The following PHLPP1 variants were observed in gnomAD, a reference collection of about 807,000 sequenced individuals.
PHLPP1 encodes the protein PH domain and leucine rich repeat protein phosphatase 1.
PHLPP1 carries 42 observed loss-of-function variants against 117.2 expected under a neutral mutation model. The ratio of observed to expected loss-of-function variants is 0.36; its 90% CI spans 0.28 to 0.46. The LOEUF is 0.46. Among genes scored for constraint, PHLPP1 ranks in the 20% least tolerant of loss-of-function variants. The pLI is 1.00. For synonymous variants in PHLPP1, 1,042 were observed against 970.7 expected (o/e 1.07, Z -1.37); for missense variants, 2,084 against 2,241.9 (o/e 0.93, Z 1.42).
chr18:62,837,563 G>T (rs2144339038), intron 2 of PHLPP1: 1 of 151,706 alleles, frequency 6.6e-6, no homozygotes, highest in Admixed American at 6.6e-5. Context: ...CTTTGTTAAT[G>T]TTTTCTCTTA....
At chr18:62,824,887 A>AC (rs931637428) in intron 1 of PHLPP1, among the ~76,000 whole-genome samples, 4 of 142,264 alleles carry the variant, frequency 2.8e-5, no homozygotes, top group Non-Finnish European at 4.6e-5. Flanking sequence ...GACCACCCCC[A>AC]CCCCCCATTT....
intron 1 of PHLPP1, among the ~76,000 whole-genome samples, chr18:62,822,790 A>G (rs1406688637): frequency 6.6e-6 from 1 of 152,214 alleles, no homozygotes; most frequent in Non-Finnish European, 1.5e-5. Context: ...AAGATTCACT[A>G]CTCAAGATAG....
intron 11 of PHLPP1, among the ~76,000 whole-genome samples, chr18:62,943,850 T>C (rs1398616667): frequency 6.6e-6 from 1 of 152,210 alleles, no homozygotes; most frequent in African/African-American, 2.4e-5. Context: ...TTAAATAATA[T>C]TCTCAGAAAT....
intron 8 of PHLPP1, among the ~76,000 whole-genome samples, chr18:62,913,640 C>T (rs753598835): frequency 8.6e-5 from 13 of 151,770 alleles, no homozygotes; most frequent in Non-Finnish European, 1.8e-4. Context: ...AAAAAGCTAA[C>T]CAGTGTGACT....
intron 1 of PHLPP1, among the ~76,000 whole-genome samples, chr18:62,778,706 C>T (rs1913034115): frequency 6.6e-6 from 1 of 151,994 alleles, no homozygotes; most frequent in Non-Finnish European, 1.5e-5. Context: ...CAAAAAACAC[C>T]TTGTAAAACT....
At chr18:62,900,126 G>A (rs983090485) in intron 6 of PHLPP1, among the ~76,000 whole-genome samples, 13 of 151,886 alleles carry the variant, frequency 8.6e-5, no homozygotes, top group African/African-American at 2.9e-4. Context: ...GCAAAACCCC[G>A]CCTCTACTAA....
In PHLPP1 at chr18:62,763,684, A is replaced by ATTGT. The variant is rs1166268090; in HGVS notation, c.1576+46429_1576+46432dup. On this transcript the variant is annotated intron_variant, in intron 1 of 16. Transcript: ENST00000262719. ...AGTCAGTCCATGGTGCTGTGACACT[A>ATTGT]TTGTTTGGTGACACTATGCTATTCT... Among the ~76,000 whole-genome samples the ATTGT allele has an allele frequency of 3.9e-5, 6 of 152,050 alleles. No individual in the cohort carries two copies. In the South Asian group the frequency reaches 1.2e-3, roughly 32 times the overall value.
intron 1 of PHLPP1, among the ~76,000 whole-genome samples, chr18:62,723,657 G>T (rs1910986074): frequency 6.6e-6 from 1 of 152,150 alleles, no homozygotes; most frequent in Non-Finnish European, 1.5e-5. Flanking sequence ...TACAGCAAGA[G>T]CTTGGCTGGT....
intron 13 of PHLPP1, 105 bp downstream of exon 13, chr18:62,958,864 AGCTGTGTTAAC>A: frequency 6.2e-6 from 8 of 1,298,244 alleles, no homozygotes; most frequent in African/African-American, 1.5e-5. Context: ...TTGACTTGTT[AGCTGTGTTAAC>A]ACACACAACA....
intron 1 of PHLPP1, among the ~76,000 whole-genome samples, chr18:62,749,398 G>A (rs1911777087): frequency 6.6e-6 from 1 of 152,164 alleles, no homozygotes; most frequent in East Asian, 1.9e-4. Flanking sequence ...TAGAGACTTT[G>A]AGATAACATT....
At chr18:62,762,442 CTCACAGTT>C (rs1300328030) in intron 1 of PHLPP1, among the ~76,000 whole-genome samples, 1 of 115,512 alleles carries the variant, frequency 8.7e-6, no homozygotes, top group East Asian at 2.6e-4. Flanking sequence ...TTGAGAAGGT[CTCACAGTT>C]TCACCCAGGC....
At chr18:62,857,060 A>G (rs1915517133) in intron 3 of PHLPP1, among the ~76,000 whole-genome samples, 3 of 152,142 alleles carry the variant, frequency 2.0e-5, no homozygotes, top group African/African-American at 4.8e-5. Context: ...CTAGAACGGT[A>G]ATTGGCACCT....
At chr18:62,775,531 C>T (rs528012835) in intron 1 of PHLPP1, among the ~76,000 whole-genome samples, 1 of 152,328 alleles carries the variant, frequency 6.6e-6, no homozygotes, top group South Asian at 2.1e-4. Context: ...CAGGTCTAAA[C>T]TCATATATTC....
intron 3 of PHLPP1, among the ~76,000 whole-genome samples, chr18:62,848,628 T>G (rs1915243677): frequency 6.6e-6 from 1 of 151,874 alleles, no homozygotes. Flanking sequence ...CACTCCCAGC[T>G]AATTTTTGTA....
chr18:62,898,826 G>A (rs1376093019), intron 6 of PHLPP1, among the ~76,000 whole-genome samples: 1 of 151,594 alleles, frequency 6.6e-6, no homozygotes, highest in African/African-American at 2.4e-5. Context: ...TTTTGAGACG[G>A]AATTTCTTGT....
intron 13 of PHLPP1, among the ~76,000 whole-genome samples, chr18:62,962,132 A>G (rs1009079543): frequency 6.6e-6 from 1 of 152,110 alleles, no homozygotes; most frequent in Non-Finnish European, 1.5e-5. Flanking sequence ...AATGAGGGGG[A>G]AACTTAGTGG....
At chr18:62,900,032 C>T (rs956432950) in intron 6 of PHLPP1, among the ~76,000 whole-genome samples, 17 of 152,110 alleles carry the variant, frequency 1.1e-4, no homozygotes, top group Admixed American at 3.9e-4. Flanking sequence ...TGCAGTGGCT[C>T]CTGCCTGTAA....
At chr18:62,873,446 ATAAC>A (rs1482913181) in intron 4 of PHLPP1, among the ~76,000 whole-genome samples, 2 of 152,250 alleles carry the variant, frequency 1.3e-5, no homozygotes, top group Non-Finnish European at 2.9e-5. Context: ...AAATTATAAA[ATAAC>A]TACTTCATAA....
In PHLPP1 at chr18:62,914,995, G is replaced by A. The variant is rs767742557; in HGVS notation, c.2791G>A (p.Glu931Lys). ...VLDIGHNQIC[E>K]LPARLFCNSS... ...GGATATTGGCCATAATCAAATATGT[G>A]AACTTCCTGCCCGGTGAGTATTACA... Residue 931 changes from glutamate (E) to lysine (K), a missense_variant, in exon 9 of 17, where the codon GAA (glutamate) becomes AAA (lysine). Around this residue, in one of 2 missense-constraint regions of PHLPP1, gnomAD observed 1,365 missense variants for 1,605.9 expected, o/e 0.85. Coordinates refer to ENST00000262719, the MANE Select transcript of PHLPP1 (RefSeq NM_194449.4). 1.4e-5 allele frequency: 22 copies of A among 1,611,872 alleles called. No homozygotes were observed. The East Asian group carries it at 2.2e-4, about 16-fold the overall frequency.
Sources: allele counts gnomAD v4.1 joint callset (sites outside exome capture counted in the v4.1 genomes callset), GRCh38; gene constraint gnomAD v4.1.1; regional missense constraint gnomAD v4.1.1; transcripts MANE v1.5; gene names NCBI Gene and HGNC (gene_info 2026-07-23, HGNC 2026-07-21).